The following ST6GALNAC3 variants were observed in gnomAD, a reference collection of about 807,000 sequenced individuals.
The protein encoded by ST6GALNAC3 is alpha-N-acetylgalactosaminide alpha-2,6-sialyltransferase 3.
A neutral mutation model predicts 32.7 loss-of-function variants in ST6GALNAC3; 25 were observed. The observed-to-expected ratio is 0.76, with a 90% CI of 0.56 to 1.07. ST6GALNAC3 has a LOEUF of 1.07. Ranked by LOEUF, ST6GALNAC3 falls within the 50% of genes least tolerant of loss-of-function variation. The probability of loss-of-function intolerance (pLI) is 0.00; values close to 1 mark genes in which losing one functional copy is unlikely to be tolerated. For synonymous variants in ST6GALNAC3, 129 were observed against 133.1 expected, an observed-to-expected ratio of 0.97 and a Z score of 0.21; for missense variants, 355 against 382.4, an observed-to-expected ratio of 0.93 and a Z score of 0.60.
intron 1 of ST6GALNAC3, among the ~76,000 whole-genome samples, chr1:76,203,003 G>A (rs1277696793): frequency 6.6e-6 from 1 of 152,140 alleles, no homozygotes; most frequent in Admixed American, 6.5e-5. Context: ...TTAATTTGTG[G>A]GGAGTTGCAG....
At chr1:76,081,859 A>G (rs557306008) in intron 1 of ST6GALNAC3, among the ~76,000 whole-genome samples, 14 of 152,340 alleles carry the variant, frequency 9.2e-5, no homozygotes, top group African/African-American at 2.4e-4. Flanking sequence ...AGGCTCCCCA[A>G]CATAGATCTG....
chr1:76,256,347 G>T (rs1206531778), intron 1 of ST6GALNAC3, among the ~76,000 whole-genome samples: 1 of 152,044 alleles, frequency 6.6e-6, no homozygotes, highest in Non-Finnish European at 1.5e-5. Context: ...AAGGTATTTA[G>T]AATTTTTCTT....
intron 1 of ST6GALNAC3, among the ~76,000 whole-genome samples, chr1:76,252,182 C>A (rs1657657479): frequency 6.6e-6 from 1 of 152,064 alleles, no homozygotes; most frequent in Non-Finnish European, 1.5e-5. Context: ...ACCCTGTATA[C>A]GATGTTCGTT....
intron 2 of ST6GALNAC3, among the ~76,000 whole-genome samples, chr1:76,404,598 G>A (rs1205319615): frequency 2.0e-5 from 3 of 152,064 alleles, no homozygotes; most frequent in Non-Finnish European, 4.4e-5. Context: ...CATTATACAT[G>A]TTGAAGCCTC....
rs564512163 is a variant in ST6GALNAC3 at position 76,599,557 on chromosome 1, T to A, written c.624-27895T>A. Among the ~76,000 whole-genome samples the A allele has an allele frequency of 3.3e-5, 5 of 152,156 alleles. No homozygotes were observed. The South Asian group carries it at 8.3e-4, about 25-fold the overall frequency. On this transcript the variant is annotated intron_variant, in intron 3 of 4. Coordinates refer to ENST00000328299, the MANE Select transcript of ST6GALNAC3 (RefSeq NM_152996.4). The stretch of plus-strand genomic sequence containing the variant: ...GAACATGCGGTGTTTGGTTTTCTGT[T>A]CCTGTGAGATTAAATATTTCATGAT...
intron 2 of ST6GALNAC3, among the ~76,000 whole-genome samples, chr1:76,367,884 A>G (rs542725684): frequency 6.6e-6 from 1 of 152,220 alleles, no homozygotes; most frequent in South Asian, 2.1e-4. Flanking sequence ...GCACAAATGT[A>G]AAAACATGCT....
chr1:76,206,015 C>A (rs932346154), intron 1 of ST6GALNAC3, among the ~76,000 whole-genome samples: 2 of 152,116 alleles, frequency 1.3e-5, no homozygotes, highest in African/African-American at 4.8e-5. Context: ...AATGGTATTT[C>A]TTGAGCTCTT....
rs570524820 is a variant in ST6GALNAC3 at position 76,426,566 on chromosome 1, C to CAT, written c.623+14163_623+14164dup. Among the ~76,000 whole-genome samples, 521 of 146,720 alleles carry CAT rather than the reference C, an allele frequency of 3.6e-3. 1 individual carries two copies. The highest frequency in any genetic ancestry group is 0.015 in the South Asian group (72 of 4,662). On this transcript the variant is annotated intron_variant, in intron 3 of 4. Coordinates refer to ENST00000328299, the MANE Select transcript of ST6GALNAC3 (RefSeq NM_152996.4). ...ACAGATATATATATATATATCTGTA[C>CAT]ATATATATATATATAGGGAGAGAGA...
At chr1:76,264,900 CTTT>C (rs397864038) in intron 1 of ST6GALNAC3, among the ~76,000 whole-genome samples, 2 of 137,432 alleles carry the variant, frequency 1.5e-5, no homozygotes, top group African/African-American at 2.6e-5. Flanking sequence ...CTCTAGTGCT[CTTT>C]TTTTTTTTTT....
chr1:76,620,820 G>A (rs538205233), intron 3 of ST6GALNAC3, among the ~76,000 whole-genome samples: 4 of 152,080 alleles, frequency 2.6e-5, no homozygotes, highest in African/African-American at 7.2e-5. Flanking sequence ...TTAAGGAACC[G>A]GCCACTGATA....
chr1:76,101,490 A>G (rs1647225295), intron 1 of ST6GALNAC3, among the ~76,000 whole-genome samples: 1 of 152,212 alleles, frequency 6.6e-6, no homozygotes. Context: ...ATAAACACCT[A>G]TATGAAGATT....
At chr1:76,583,140 G>A (rs1200087418) in intron 3 of ST6GALNAC3, among the ~76,000 whole-genome samples, 1 of 152,154 alleles carries the variant, frequency 6.6e-6, no homozygotes, top group Non-Finnish European at 1.5e-5. Context: ...GGCAGCAAAT[G>A]TTTGTGCCCC....
intron 3 of ST6GALNAC3, among the ~76,000 whole-genome samples, chr1:76,424,368 T>C (rs1655232515): frequency 6.6e-6 from 1 of 151,864 alleles, no homozygotes; most frequent in Admixed American, 6.6e-5. Flanking sequence ...CAGAAATGAC[T>C]ATATAACTGG....
intron 3 of ST6GALNAC3, among the ~76,000 whole-genome samples, chr1:76,611,555 C>T (rs1201172162): frequency 6.6e-6 from 1 of 152,196 alleles, no homozygotes; most frequent in Non-Finnish European, 1.5e-5. Context: ...CCTCTCCTCC[C>T]TTCAGAGAAG....
chr1:76,547,167 C>T (rs144514003), intron 3 of ST6GALNAC3, among the ~76,000 whole-genome samples: 20 of 152,316 alleles, frequency 1.3e-4, no homozygotes, highest in African/African-American at 3.8e-4. Context: ...ACTCTGCCTA[C>T]GCAGGTGCTT....
chr1:76,610,995 A>G (rs1425045974), intron 3 of ST6GALNAC3, among the ~76,000 whole-genome samples: 1 of 152,030 alleles, frequency 6.6e-6, no homozygotes, highest in Admixed American at 6.6e-5. Context: ...CCTTGTTTTT[A>G]TGCAATAGAT....
intron 3 of ST6GALNAC3, among the ~76,000 whole-genome samples, chr1:76,429,807 A>G (rs1243140082): frequency 6.6e-6 from 1 of 152,188 alleles, no homozygotes; most frequent in African/African-American, 2.4e-5. Context: ...AAGTAAATAC[A>G]GGTAGAAATT....
chr1:76,211,418 C>T (rs113150325), intron 1 of ST6GALNAC3, among the ~76,000 whole-genome samples: 7,036 of 152,254 alleles, frequency 0.046, 196 homozygotes, highest in Non-Finnish European at 0.073. Flanking sequence ...CCATTTGACC[C>T]AGCCATCCCA....
intron 2 of ST6GALNAC3, among the ~76,000 whole-genome samples, chr1:76,314,562 A>G (rs941649863): frequency 6.6e-6 from 1 of 152,162 alleles, no homozygotes; most frequent in African/African-American, 2.4e-5. Flanking sequence ...TTTGTAGCCA[A>G]TTGGTAGTAC....
Sources: gnomAD v4.1 joint callset for allele counts (sites outside exome capture counted in the v4.1 genomes callset) on GRCh38, gnomAD v4.1.1 for gene constraint, MANE v1.5 for transcripts, NCBI Gene and HGNC (gene_info 2026-07-23, HGNC 2026-07-21) for gene names.